CDK15: variants seen among roughly 807,000 people sequenced by gnomAD.
The protein encoded by CDK15 is cyclin dependent kinase 15, also known as cyclin-dependent kinase 15.
Under a neutral mutation model 60.3 loss-of-function variants are expected in CDK15, and 62 were observed. That is an observed-to-expected ratio of 1.03 (90% CI 0.84 to 1.27). The LOEUF is 1.27. Ranked by LOEUF, CDK15 falls within the 50% of genes most tolerant of loss-of-function variation. The pLI is 0.00. For synonymous variants in CDK15, 194 were observed against 195.7 expected (o/e 0.99, Z 0.07); for missense variants, 541 against 527.8 (o/e 1.03, Z -0.25).
rs61612545 is a variant in CDK15, at chr2:201,874,053, C to CAA, written c.1058+1754_1058+1755dup. ...TGGGAGACAGAGTGAGACTCCGTCT[C>CAA]AAAAAAAAAAAAAAAAAAAAAAAAA... On this transcript the variant is annotated intron_variant, in intron 11 of 13. Transcript: ENST00000652192. Among the ~76,000 whole-genome samples, 138 of 113,966 alleles carry CAA rather than the reference C, an allele frequency of 1.2e-3. 4 individuals are homozygous for CAA. Among genetic ancestry groups the CAA allele is most frequent in the African/African-American group, 5.5e-3 (133 of 24,134 alleles). The allele number at this position is 113,966 out of a possible 152,430, so 74.8% of individuals were successfully genotyped here.
chr2:201,846,434 A>G (rs1574895023), intron 8 of CDK15, among the ~76,000 whole-genome samples: 1 of 151,800 alleles, frequency 6.6e-6, no homozygotes, highest in Non-Finnish European at 1.5e-5. Flanking sequence ...CGGAGGTTGC[A>G]GTGAGCTGAG....
At chr2:201,861,503 T>A in intron 10 of CDK15, 1 of 985,190 alleles carries the variant, frequency 1.0e-6, no homozygotes, top group Non-Finnish European at 1.2e-6. Flanking sequence ...TGCCTAACTT[T>A]TAGTAGGTAC....
chr2:201,819,624 C>T (rs538018344), intron 4 of CDK15, among the ~76,000 whole-genome samples: 1 of 152,290 alleles, frequency 6.6e-6, no homozygotes, highest in East Asian at 1.9e-4. Context: ...TGCAATAATT[C>T]AGCCAACATA....
chr2:201,824,807 C>A, intron 6 of CDK15: 2 of 676,276 alleles, frequency 3.0e-6, no homozygotes, highest in Non-Finnish European at 4.2e-6. Context: ...CACCCTCAGC[C>A]ATCTGAAGGA....
chr2:201,892,093 G>A (rs922832046), intron 13 of CDK15, among the ~76,000 whole-genome samples: 3 of 152,208 alleles, frequency 2.0e-5, no homozygotes, highest in African/African-American at 7.2e-5. Context: ...TGTCTTCAAA[G>A]AGCAGGGAAG....
intron 8 of CDK15, among the ~76,000 whole-genome samples, chr2:201,841,619 C>G (rs2105762221): frequency 1.3e-5 from 2 of 152,266 alleles, no homozygotes; most frequent in South Asian, 4.1e-4. Context: ...CCATAGGGTC[C>G]AAAGTGAATG....
intron 11 of CDK15, among the ~76,000 whole-genome samples, chr2:201,873,858 G>C (rs926529182): frequency 6.6e-6 from 1 of 152,152 alleles, no homozygotes; most frequent in Non-Finnish European, 1.5e-5. Context: ...TTCAAGACCA[G>C]CCTGGCCAAC....
At chr2:201,857,522 G>T (rs931905213) in intron 10 of CDK15, among the ~76,000 whole-genome samples, 3 of 151,954 alleles carry the variant, frequency 2.0e-5, no homozygotes, top group Admixed American at 2.0e-4. Flanking sequence ...GTTTGGGTTT[G>T]GATTCATTCA....
At chr2:201,858,149 T>C (rs966413104) in intron 10 of CDK15, among the ~76,000 whole-genome samples, 1 of 152,094 alleles carries the variant, frequency 6.6e-6, no homozygotes, top group Non-Finnish European at 1.5e-5. Context: ...GACAGCAAAG[T>C]TTCCATTTGT....
chr2:201,822,492 G>T (rs1275741010), intron 4 of CDK15, among the ~76,000 whole-genome samples: 5 of 152,228 alleles, frequency 3.3e-5, no homozygotes, highest in Non-Finnish European at 7.3e-5. Context: ...TAGCTCTGAA[G>T]CTGGATTGAT....
Position 201,851,780 on chromosome 2 carries a change from T to G in CDK15, c.946-3094T>G, listed in dbSNP as rs539267406. ...GTTCAAGCAATTCTCCTGCCTCAGC[T>G]TCCCAAGTAGCTGGGATTACAGGTG... On this transcript the variant is annotated intron_variant, in intron 9 of 13. Transcript: ENST00000652192. Among the ~76,000 whole-genome samples, 290 of 152,124 alleles carry G rather than the reference T, an allele frequency of 1.9e-3. 2 individuals carry two copies. Among genetic ancestry groups the G allele is most frequent in the African/African-American group, 6.7e-3 (280 of 41,506 alleles).
chr2:201,806,784 C>A lies in CDK15; in HGVS notation c.120C>A (p.Phe40Leu). The change falls in exon 1 of 14, where the codon TTC becomes TTA. Residue 40 changes from phenylalanine to leucine, a missense_variant. Phe to Leu is a conservative substitution (Grantham distance 22). Transcript: ENST00000652192. ...AGCCTGAGACCACGGAGGCTGCGTT[C>A]AAGGTATTTGTATCCCAGGAGAGAG... The part of the protein sequence containing the change: ...RSQPETTEAA[F>L]KLTDLKEASC... 1 of 1,598,350 alleles carries A rather than the reference C, an allele frequency of 6.3e-7. No homozygotes were observed. Among genetic ancestry groups the A allele is most frequent in the Non-Finnish European group, 8.5e-7 (1 of 1,179,608 alleles).
At chr2:201,844,008 T>TG (rs1278677678) in intron 8 of CDK15, among the ~76,000 whole-genome samples, 2 of 152,148 alleles carry the variant, frequency 1.3e-5, no homozygotes, top group African/African-American at 2.4e-5. Flanking sequence ...GAAGGCTTTT[T>TG]GGGGGAGAAA....
intron 6 of CDK15, among the ~76,000 whole-genome samples, chr2:201,833,454 C>T (rs187969753): frequency 2.0e-4 from 31 of 152,120 alleles, no homozygotes; most frequent in African/African-American, 5.1e-4. Flanking sequence ...AATATCATTT[C>T]CAGGTCAACT....
chr2:201,809,840 C>T (rs957803197), intron 3 of CDK15, among the ~76,000 whole-genome samples: 1 of 152,110 alleles, frequency 6.6e-6, no homozygotes, highest in Admixed American at 6.6e-5. Flanking sequence ...GCTGTTCCCT[C>T]TGCCTGGAGC....
chr2:201,864,186 A>G (rs1698514669), intron 10 of CDK15, among the ~76,000 whole-genome samples: 1 of 152,162 alleles, frequency 6.6e-6, no homozygotes, highest in Non-Finnish European at 1.5e-5. Flanking sequence ...CTACAGCAGC[A>G]TTGCCTGGGG....
intron 7 of CDK15, among the ~76,000 whole-genome samples, chr2:201,835,312 A>G (rs963481557): frequency 6.6e-6 from 1 of 152,084 alleles, no homozygotes; most frequent in Non-Finnish European, 1.5e-5. Flanking sequence ...AGCCCAGAGG[A>G]GGGAGAAAAG....
chr2:201,820,538 A>C (rs1203418206), intron 4 of CDK15, among the ~76,000 whole-genome samples: 4 of 152,204 alleles, frequency 2.6e-5, no homozygotes, highest in African/African-American at 9.7e-5. Context: ...GAATGAATTG[A>C]GACTTAGGTT....
In CDK15 at chr2:201,880,088, A is replaced by G; in HGVS notation, c.1119A>G (p.Arg373=). 1 of 1,614,118 alleles carries G rather than the reference A, an allele frequency of 6.2e-7. No individual in the cohort carries two copies. The highest frequency in any genetic ancestry group is 8.5e-7 in the Non-Finnish European group (1 of 1,180,034). The change falls in exon 12 of 14, where the codon AGA becomes AGG. Residue 373 remains arginine (R), a synonymous_variant. Transcript: ENST00000652192. The part of the protein sequence containing the change: ...LASQMLKGFP[R]DRVSAQEALV... ...CCCAGATGCTAAAAGGCTTTCCCAG[A>G]GACCGCGTCTCCGCCCAGGAAGCAC...
Sources: gnomAD v4.1 joint callset for allele counts (sites outside exome capture counted in the v4.1 genomes callset) on GRCh38, gnomAD v4.1.1 for gene constraint, MANE v1.5 for transcripts, NCBI Gene and HGNC (gene_info 2026-07-23, HGNC 2026-07-21) for gene names.